The following AKAP6 variants were observed in gnomAD, a reference collection of about 807,000 sequenced individuals.
AKAP6 encodes the protein A-kinase anchoring protein 6, also known as A-kinase anchor protein 6.
AKAP6 carries 58 observed loss-of-function variants against 188.5 expected under a neutral mutation model. That is an observed-to-expected ratio of 0.31 (90% confidence interval 0.25 to 0.38). The LOEUF (loss-of-function observed/expected upper bound fraction) is 0.38, where lower values mean the gene tolerates loss of function less well. Ranked by LOEUF, AKAP6 falls within the 10% of genes least tolerant of loss-of-function variation. AKAP6 has a pLI of 1.00. For missense variants in AKAP6, 2,710 were observed against 2,740.0 expected (o/e 0.99, Z 0.24); for synonymous variants, 989 against 998.6 (o/e 0.99, Z 0.18).
intron 12 of AKAP6, among the ~76,000 whole-genome samples, chr14:32,795,841 A>G (rs571431085): frequency 6.6e-6 from 1 of 152,300 alleles, no homozygotes; most frequent in East Asian, 1.9e-4. Flanking sequence ...AGGAAGTCAA[A>G]TCATCTTTGT....
At chr14:32,455,596 T>C (rs1309081077) in intron 2 of AKAP6, among the ~76,000 whole-genome samples, 1 of 152,244 alleles carries the variant, frequency 6.6e-6, no homozygotes, top group Non-Finnish European at 1.5e-5. Context: ...CATAATTTAC[T>C]CAAAATCCTG....
intron 11 of AKAP6, among the ~76,000 whole-genome samples, chr14:32,747,426 A>C (rs970027806): frequency 1.3e-5 from 2 of 152,200 alleles, no homozygotes; most frequent in South Asian, 2.1e-4. Flanking sequence ...AACACTTTCA[A>C]ATTCAATAGA....
chr14:32,729,655 C>G (rs1594889162), intron 9 of AKAP6, among the ~76,000 whole-genome samples: 2 of 152,082 alleles, frequency 1.3e-5, no homozygotes, highest in South Asian at 4.2e-4. Context: ...ATTGGCCAAG[C>G]AAATACACTT....
Position 32,832,010 on chromosome 14 carries a change from A to T in AKAP6, c.*2205A>T, listed in dbSNP as rs1383585947. 1 of 152,052 alleles carries T rather than the reference A, an allele frequency of 6.6e-6. No homozygotes were observed. The highest frequency in any genetic ancestry group is 1.5e-5 in the Non-Finnish European group (1 of 68,014). The allele number at this position is 152,052 out of a possible 1,614,324, so 9.4% of individuals were successfully genotyped here. On this transcript the variant is annotated 3_prime_UTR_variant, in exon 14 of 14. Coordinates refer to ENST00000280979, the MANE Select transcript of AKAP6 (RefSeq NM_004274.5). ...CACTTTAATAACTATTTGTATTTTT[A>T]TGCCCCTTCTGATCTTTTCCATATG...
chr14:32,631,003 T>A (rs1887246485), intron 7 of AKAP6, among the ~76,000 whole-genome samples: 1 of 152,074 alleles, frequency 6.6e-6, no homozygotes, highest in South Asian at 2.1e-4. Flanking sequence ...AATAGTTTTG[T>A]TGAATTTTTA....
At chr14:32,473,626 T>G (rs1878895688) in intron 2 of AKAP6, 1 of 152,218 alleles carries the variant, frequency 6.6e-6, no homozygotes. Flanking sequence ...GCAACTCTAG[T>G]AAACCTGCCA....
intron 11 of AKAP6, among the ~76,000 whole-genome samples, chr14:32,739,828 C>T (rs1388919199): frequency 2.6e-5 from 4 of 152,040 alleles, no homozygotes; most frequent in Non-Finnish European, 5.9e-5. Flanking sequence ...AGTGCTGCAA[C>T]AAATATGAGA....
chr14:32,548,659 GCAGAGA>G (rs2139165646), intron 4 of AKAP6, among the ~76,000 whole-genome samples: 1 of 152,178 alleles, frequency 6.6e-6, no homozygotes, highest in South Asian at 2.1e-4. Context: ...AGACAGACAG[GCAGAGA>G]CAGAGACAGA....
intron 11 of AKAP6, among the ~76,000 whole-genome samples, chr14:32,761,766 G>A (rs1594921131): frequency 6.6e-6 from 1 of 151,914 alleles, no homozygotes; most frequent in South Asian, 2.1e-4. Flanking sequence ...GTATGGCACC[G>A]TACCCTCTCA....
At chr14:32,735,114 G>A (rs1275243275) in intron 10 of AKAP6, among the ~76,000 whole-genome samples, 1 of 152,124 alleles carries the variant, frequency 6.6e-6, no homozygotes, top group African/African-American at 2.4e-5. Flanking sequence ...ACATCACCAA[G>A]GAGGCTTCCT....
Position 32,633,962 on chromosome 14 carries a change from A to G in AKAP6, c.2730+33170A>G, listed in dbSNP as rs556396389. Among the ~76,000 whole-genome samples, 26 of 152,162 alleles carry G rather than the reference A, an allele frequency of 1.7e-4. No homozygotes were observed. The South Asian group carries it at 4.8e-3, about 28-fold the overall frequency. On this transcript the variant is annotated intron_variant, in intron 7 of 13. Transcript: ENST00000280979. The stretch of plus-strand genomic sequence containing the variant: ...CTTATTTTAAATGTGAAACTTGTCT[A>G]TTTCCAAGGCAAGCCTATAGTCTAA...
At chr14:32,541,839 T>C (rs564674841) in intron 3 of AKAP6, among the ~76,000 whole-genome samples, 2 of 152,358 alleles carry the variant, frequency 1.3e-5, no homozygotes, top group Admixed American at 6.5e-5. Flanking sequence ...AACTTTTGTT[T>C]GGCTGACTGA....
chr14:32,791,970 A>G (rs1319150976), intron 12 of AKAP6, among the ~76,000 whole-genome samples: 3 of 151,904 alleles, frequency 2.0e-5, no homozygotes, highest in Non-Finnish European at 4.4e-5. Context: ...GTTCTTTTCT[A>G]TTGGTCTATA....
chr14:32,361,305 G>C (rs1242878323), intron 1 of AKAP6, among the ~76,000 whole-genome samples: 1 of 152,084 alleles, frequency 6.6e-6, no homozygotes, highest in Non-Finnish European at 1.5e-5. Flanking sequence ...GTGTGTGCAT[G>C]CATGTGCTTA....
chr14:32,528,037 T>C (rs112478309), intron 2 of AKAP6, among the ~76,000 whole-genome samples: 2 of 152,320 alleles, frequency 1.3e-5, no homozygotes, highest in Non-Finnish European at 2.9e-5. Flanking sequence ...CCCAAGGTAA[T>C]CTAGATTTTC....
intron 2 of AKAP6, among the ~76,000 whole-genome samples, chr14:32,485,287 C>A (rs569480584): frequency 5.3e-5 from 8 of 151,768 alleles, no homozygotes; most frequent in African/African-American, 1.7e-4. Flanking sequence ...ATGCATGTGT[C>A]TTTATAGTAG....
At chr14:32,750,100 GT>G (rs2032066373) in intron 11 of AKAP6, among the ~76,000 whole-genome samples, 1 of 152,096 alleles carries the variant, frequency 6.6e-6, no homozygotes, top group Admixed American at 6.5e-5. Flanking sequence ...ACTGGGCTGA[GT>G]TTTAGCAATA....
chr14:32,811,100 A>G (rs535005494), intron 12 of AKAP6, among the ~76,000 whole-genome samples: 2 of 152,008 alleles, frequency 1.3e-5, no homozygotes, highest in African/African-American at 2.4e-5. Flanking sequence ...TTAGCCGGGC[A>G]TGGTGGTGGG....
intron 13 of AKAP6, among the ~76,000 whole-genome samples, chr14:32,827,883 T>G (rs2140163260): frequency 6.6e-6 from 1 of 152,314 alleles, no homozygotes; most frequent in Non-Finnish European, 1.5e-5. Flanking sequence ...GTATAAAAAT[T>G]TAACTCATCA....
Sources: gnomAD v4.1 joint callset for allele counts (sites outside exome capture counted in the v4.1 genomes callset) on GRCh38, gnomAD v4.1.1 for gene constraint, MANE v1.5 for transcripts, NCBI Gene and HGNC (gene_info 2026-07-23, HGNC 2026-07-21) for gene names.